The following CFAP20DC variants were observed in gnomAD, a reference collection of about 807,000 sequenced individuals.
CFAP20DC encodes protein CFAP20DC.
In CFAP20DC, 84 loss-of-function variants were observed where a neutral mutation model predicts 101.7. The ratio of observed to expected loss-of-function variants is 0.83; its 90% CI spans 0.69 to 0.99. The LOEUF (loss-of-function observed/expected upper bound fraction) is 0.99, where lower values mean the gene tolerates loss of function less well. Ranked by LOEUF, CFAP20DC falls within the 50% of genes least tolerant of loss-of-function variation. CFAP20DC has a pLI of 0.00. For synonymous variants in CFAP20DC, 359 were observed against 351.2 expected (o/e 1.02, Z -0.25); for missense variants, 1,007 against 970.3 (o/e 1.04, Z -0.50).
intron 3 of CFAP20DC, among the ~76,000 whole-genome samples, chr3:58,725,326 G>A (rs1390078825): frequency 6.6e-6 from 1 of 152,234 alleles, no homozygotes; most frequent in Non-Finnish European, 1.5e-5. Context: ...AAGGTAAGGA[G>A]TGATCTGAAG....
At chr3:58,931,244 T>C (rs961216412) in intron 5 of CFAP20DC, among the ~76,000 whole-genome samples, 10 of 152,064 alleles carry the variant, frequency 6.6e-5, no homozygotes, top group Non-Finnish European at 1.5e-4. Context: ...TGCCCAGGCT[T>C]GCTTAGGTAA....
chr3:58,982,284 AT>A (rs2092583698), intron 4 of CFAP20DC, among the ~76,000 whole-genome samples: 1 of 152,214 alleles, frequency 6.6e-6, no homozygotes, highest in African/African-American at 2.4e-5. Context: ...TTTGTAAACC[AT>A]TTTGGAAGTC....
At chr3:58,723,530 T>C (rs1175661050) in intron 3 of CFAP20DC, among the ~76,000 whole-genome samples, 1 of 152,250 alleles carries the variant, frequency 6.6e-6, no homozygotes, top group African/African-American at 2.4e-5. Context: ...ACAAGAAGGA[T>C]TCTTGTACCT....
intron 5 of CFAP20DC, among the ~76,000 whole-genome samples, chr3:58,917,973 C>T (rs866459455): frequency 6.6e-6 from 1 of 152,224 alleles, no homozygotes; most frequent in African/African-American, 2.4e-5. Flanking sequence ...TCCATGTGTA[C>T]CTCCCAATTC....
At chr3:59,000,038 G>A (rs1007095227) in intron 4 of CFAP20DC, among the ~76,000 whole-genome samples, 2 of 152,110 alleles carry the variant, frequency 1.3e-5, no homozygotes, top group African/African-American at 4.8e-5. Flanking sequence ...GAAACTGCCT[G>A]TCCAACCTTG....
intron 16 of CFAP20DC, among the ~76,000 whole-genome samples, chr3:58,752,940 C>T (rs1169149452): frequency 2.6e-5 from 4 of 152,124 alleles, no homozygotes; most frequent in African/African-American, 9.7e-5. Context: ...CTTCAAAATT[C>T]CACCCAGAAA....
chr3:58,916,011 A>G (rs776890323), intron 5 of CFAP20DC, among the ~76,000 whole-genome samples: 2 of 152,036 alleles, frequency 1.3e-5, no homozygotes, highest in Admixed American at 6.6e-5. Context: ...CTCAACATCC[A>G]TATTCTGTGT....
intron 6 of CFAP20DC, among the ~76,000 whole-genome samples, chr3:58,900,472 A>G (rs893021715): frequency 6.6e-6 from 1 of 152,182 alleles, no homozygotes; most frequent in Non-Finnish European, 1.5e-5. Context: ...AATCAATCAG[A>G]TATTAAGGGA....
chr3:59,032,275 T>C (rs914438981), intron 4 of CFAP20DC, among the ~76,000 whole-genome samples: 1 of 151,702 alleles, frequency 6.6e-6, no homozygotes, highest in African/African-American at 2.4e-5. Flanking sequence ...GGCAGCTGTT[T>C]GGGCAAACAC....
intron 4 of CFAP20DC, among the ~76,000 whole-genome samples, chr3:59,039,317 T>A (rs2094156529): frequency 6.6e-6 from 1 of 152,106 alleles, no homozygotes; most frequent in Non-Finnish European, 1.5e-5. Context: ...GTCAAAATAA[T>A]AATCCTTTGA....
At chr3:58,745,580 G>C (rs1341028044) in intron 16 of CFAP20DC, among the ~76,000 whole-genome samples, 1 of 152,168 alleles carries the variant, frequency 6.6e-6, no homozygotes, top group Non-Finnish European at 1.5e-5. Context: ...CTATTTGGTA[G>C]GGTTTTGAGG....
At chr3:59,030,972 C>T (rs1024924186) in intron 4 of CFAP20DC, among the ~76,000 whole-genome samples, 5 of 152,054 alleles carry the variant, frequency 3.3e-5, no homozygotes, top group South Asian at 2.1e-4. Context: ...TACAGGCGCC[C>T]GCCACCACTC....
chr3:58,765,491 A>AAAAAAAAAAAAAAAAAAAAC (rs2070214042), intron 15 of CFAP20DC, among the ~76,000 whole-genome samples: 1 of 103,402 alleles, frequency 9.7e-6, no homozygotes, highest in African/African-American at 4.2e-5. Flanking sequence ...AAAAAAAACC[A>AAAAAAAAAAAAAAAAAAAAC]AAAAAAAAAA....
At chr3:58,763,265 C>A (rs2069853280) in intron 15 of CFAP20DC, among the ~76,000 whole-genome samples, 1 of 152,132 alleles carries the variant, frequency 6.6e-6, no homozygotes, top group Non-Finnish European at 1.5e-5. Context: ...CTAAACTTTT[C>A]TTGTCGCTTC....
At chr3:59,024,818 G>A (rs1365260933) in intron 4 of CFAP20DC, among the ~76,000 whole-genome samples, 1 of 152,052 alleles carries the variant, frequency 6.6e-6, no homozygotes, top group Non-Finnish European at 1.5e-5. Flanking sequence ...ACAGTGAAAG[G>A]GAAGAAGAAC....
chr3:58,870,394 CA>C (rs2108522682), intron 7 of CFAP20DC, 85 bp from the exon 8 acceptor site: 1 of 1,402,512 alleles, frequency 7.1e-7, no homozygotes, highest in East Asian at 2.3e-5. Flanking sequence ...AAATCCAGTC[CA>C]GGTGCCATAG....
chr3:58,773,628 G>A (rs566450228), intron 15 of CFAP20DC, among the ~76,000 whole-genome samples: 58 of 152,150 alleles, frequency 3.8e-4, no homozygotes, highest in Non-Finnish European at 6.8e-4. Context: ...TACAAATATT[G>A]CTCATGTTCC....
At position 59,003,525 on chromosome 3, in the gene CFAP20DC, G is replaced by A. The variant is rs1334425558; in HGVS notation, c.278+36032C>T. On this transcript the variant is annotated intron_variant, in intron 4 of 16. Coordinates refer to ENST00000482387, the MANE Select transcript of CFAP20DC (RefSeq NM_001394063.1). Reference sequence around the variant, plus strand: ...AGATGTATGCCAAAACAATCCATAGGTATCCCCATAAAAGATCCAAGTTAA... The same window carrying A: ...AGATGTATGCCAAAACAATCCATAGATATCCCCATAAAAGATCCAAGTTAA... Among the ~76,000 whole-genome samples, 3 of 152,098 alleles carry A rather than the reference G, an allele frequency of 2.0e-5. No homozygotes were observed. In the South Asian group the frequency reaches 6.2e-4, roughly 32 times the overall value.
intron 4 of CFAP20DC, among the ~76,000 whole-genome samples, chr3:58,944,096 G>A (rs1238709873): frequency 3.9e-5 from 6 of 152,148 alleles, no homozygotes; most frequent in Admixed American, 1.3e-4. Flanking sequence ...ACCTACATTT[G>A]ATTGGTATAC....
Sources: allele counts gnomAD v4.1 joint callset (sites outside exome capture counted in the v4.1 genomes callset), GRCh38; gene constraint gnomAD v4.1.1; transcripts MANE v1.5; gene names NCBI Gene and HGNC (gene_info 2026-07-23, HGNC 2026-07-21).